PPARGC1A: variants seen among roughly 807,000 people sequenced by gnomAD.
The protein encoded by PPARGC1A is peroxisome proliferator-activated receptor gamma coactivator 1-alpha.
Under a neutral mutation model 88.7 loss-of-function variants are expected in PPARGC1A, and 25 were observed. The ratio of observed to expected loss-of-function variants is 0.28; its 90% CI spans 0.21 to 0.39. The LOEUF (loss-of-function observed/expected upper bound fraction) is 0.39. PPARGC1A is among the 10% of genes least tolerant of loss of function. The pLI is 1.00. For missense variants in PPARGC1A, 880 were observed against 968.7 expected (o/e 0.91, Z 1.22); for synonymous variants, 363 against 355.6 (o/e 1.02, Z -0.24).
the PPARGC1A span, among the ~76,000 whole-genome samples, chr4:24,120,434 A>C: frequency 1.3e-5 from 2 of 152,196 alleles, no homozygotes; most frequent in Non-Finnish European, 2.9e-5. Flanking sequence ...TTAGGTACTG[A>C]TTCCTGTCCT....
the PPARGC1A span, among the ~76,000 whole-genome samples, chr4:23,925,312 T>C: frequency 7.2e-5 from 11 of 152,308 alleles, no homozygotes; most frequent in African/African-American, 2.2e-4. Context: ...AGTGGATAAA[T>C]TGTCTGCACA....
the PPARGC1A span, among the ~76,000 whole-genome samples, chr4:23,981,341 A>T: frequency 6.6e-6 from 1 of 152,170 alleles, no homozygotes; most frequent in Non-Finnish European, 1.5e-5. Context: ...ATGCAAAAGA[A>T]AAAGTTCTTT....
At chr4:24,394,423 G>A in the PPARGC1A span, among the ~76,000 whole-genome samples, 1 of 152,128 alleles carries the variant, frequency 6.6e-6, no homozygotes, top group Admixed American at 6.5e-5. Context: ...TGAAGTTCAT[G>A]CTTAGCACTT....
chr4:24,350,785 G>A, the PPARGC1A span, among the ~76,000 whole-genome samples: 2 of 152,062 alleles, frequency 1.3e-5, no homozygotes, highest in African/African-American at 4.8e-5. Flanking sequence ...AAAGCCTAAT[G>A]GAAAAGGAAA....
chr4:24,301,374 C>A, the PPARGC1A span, among the ~76,000 whole-genome samples: 3 of 152,048 alleles, frequency 2.0e-5, no homozygotes, highest in African/African-American at 4.8e-5. Context: ...TGATTTACAG[C>A]CTTTCATCCC....
chr4:24,472,369 C>A, the PPARGC1A span, among the ~76,000 whole-genome samples: 1 of 151,914 alleles, frequency 6.6e-6, no homozygotes, highest in Non-Finnish European at 1.5e-5. The surrounding 1 kb of genome is among the most constrained non-coding windows in gnomAD (Gnocchi z 4.5). Context: ...CCGAGCCACC[C>A]CTTACCTGGT....
At chr4:23,908,848 G>C (rs1332128093), upstream of PPARGC1A, among the ~76,000 whole-genome samples, 2 of 152,268 alleles carry the variant, frequency 1.3e-5, no homozygotes, top group Admixed American at 1.3e-4. Flanking sequence ...GCATGTGTGG[G>C]AATGTGTGTA....
chr4:24,250,613 AAAG>A, the PPARGC1A span, among the ~76,000 whole-genome samples: 1 of 152,224 alleles, frequency 6.6e-6, no homozygotes, highest in African/African-American at 2.4e-5. Flanking sequence ...AAAGAAGAGA[AAAG>A]AAGGAAGAGG....
At chr4:24,352,705 G>A in the PPARGC1A span, among the ~76,000 whole-genome samples, 2 of 152,188 alleles carry the variant, frequency 1.3e-5, no homozygotes, top group Non-Finnish European at 2.9e-5. Flanking sequence ...GCCTTGGCAT[G>A]TGCCCAGGCT....
chr4:23,973,675 C>T, the PPARGC1A span, among the ~76,000 whole-genome samples: 123 of 152,294 alleles, frequency 8.1e-4, 1 homozygote, highest in African/African-American at 2.9e-3. Context: ...TAACTCCCTC[C>T]CTCCAGATGG....
the PPARGC1A span, among the ~76,000 whole-genome samples, chr4:24,278,491 TA>T: frequency 1.3e-5 from 2 of 152,312 alleles, no homozygotes; most frequent in East Asian, 3.9e-4. Flanking sequence ...CCTCTAATTA[TA>T]AAAGGTTATG....
chr4:24,269,156 T>G, the PPARGC1A span, among the ~76,000 whole-genome samples: 1,143 of 152,356 alleles, frequency 7.5e-3, 9 homozygotes, highest in Non-Finnish European at 0.013. Context: ...TTCTGGATTT[T>G]GGGTTTTGCA....
the PPARGC1A span, among the ~76,000 whole-genome samples, chr4:24,065,270 G>C: frequency 1.4e-4 from 22 of 152,172 alleles, no homozygotes; most frequent in East Asian, 3.9e-3. Flanking sequence ...CCAGCATCTA[G>C]GTGAGTCCAT....
At chr4:23,923,733 G>A in the PPARGC1A span, among the ~76,000 whole-genome samples, 3 of 152,144 alleles carry the variant, frequency 2.0e-5, no homozygotes, top group African/African-American at 7.2e-5. Flanking sequence ...CTCCTCAGAT[G>A]GAAAAGGAAG....
the PPARGC1A span, among the ~76,000 whole-genome samples, chr4:24,103,888 T>C: frequency 6.6e-6 from 1 of 152,192 alleles, no homozygotes; most frequent in Non-Finnish European, 1.5e-5. Flanking sequence ...AACACAGTAT[T>C]TATGAATTTC....
the PPARGC1A span, among the ~76,000 whole-genome samples, chr4:24,389,997 C>A: frequency 6.6e-6 from 1 of 152,008 alleles, no homozygotes; most frequent in East Asian, 1.9e-4. Flanking sequence ...GTAATTTGGA[C>A]GGGTTTGGAG....
chr4:23,844,603 T>G (rs1317153194), intron 2 of PPARGC1A, among the ~76,000 whole-genome samples: 8 of 103,644 alleles, frequency 7.7e-5, no homozygotes, highest in African/African-American at 2.4e-4. Context: ...ATAATTATAT[T>G]ATATAGTAAT....
the PPARGC1A span, among the ~76,000 whole-genome samples, chr4:24,326,736 T>G: frequency 6.6e-6 from 1 of 152,156 alleles, no homozygotes; most frequent in East Asian, 1.9e-4. Context: ...CTCCTTTCCT[T>G]CCTAGGCATG....
At chr4:23,809,578 C>T (rs1720490545) in intron 10 of PPARGC1A, among the ~76,000 whole-genome samples, 1 of 151,988 alleles carries the variant, frequency 6.6e-6, no homozygotes, top group Non-Finnish European at 1.5e-5. Flanking sequence ...GTAAAATTTT[C>T]TAAGAGCCAC....
Sources: gnomAD v4.1 joint callset for allele counts (sites outside exome capture counted in the v4.1 genomes callset) on GRCh38, gnomAD v4.1.1 for gene constraint, Gnocchi (gnomAD v3.1) non-coding constraint, MANE v1.5 for transcripts, NCBI Gene and HGNC (gene_info 2026-07-23, HGNC 2026-07-21) for gene names.